GALNT2: variants seen among roughly 807,000 people sequenced by gnomAD.
The protein encoded by GALNT2 is UDP-GalNAc:polypeptide N-acetylgalactosaminyltransferase 2.
GALNT2 carries 31 observed loss-of-function variants against 81.4 expected under a neutral mutation model. That is an observed-to-expected ratio of 0.38 (90% CI 0.29 to 0.51). The LOEUF (loss-of-function observed/expected upper bound fraction) is 0.51. GALNT2 is among the 20% of genes least tolerant of loss of function. GALNT2 has a pLI of 0.87. For missense variants in GALNT2, 629 were observed against 765.7 expected, an observed-to-expected ratio of 0.82 and a Z score of 2.11; for synonymous variants, 303 against 287.4, an observed-to-expected ratio of 1.05 and a Z score of -0.55.
intron 1 of GALNT2, among the ~76,000 whole-genome samples, chr1:230,105,653 G>A (rs1474839): frequency 0.17 from 25,742 of 152,146 alleles, 2,479 homozygotes; most frequent in South Asian, 0.27. Flanking sequence ...TTGCATAAAT[G>A]TCAGCATTCG....
intron 1 of GALNT2, among the ~76,000 whole-genome samples, chr1:230,088,546 T>A (rs928087303): frequency 5.3e-5 from 8 of 151,836 alleles, no homozygotes; most frequent in African/African-American, 1.9e-4. Flanking sequence ...GTTTTTTTTT[T>A]TTTTTCTTTG....
chr1:230,183,319 T>C (rs1038765926), intron 2 of GALNT2, among the ~76,000 whole-genome samples: 2 of 152,222 alleles, frequency 1.3e-5, no homozygotes, highest in Non-Finnish European at 2.9e-5. Flanking sequence ...TTGTTATTGT[T>C]TTTTATTTAT....
intron 1 of GALNT2, among the ~76,000 whole-genome samples, chr1:230,108,954 G>A (rs1381095953): frequency 1.3e-5 from 2 of 152,194 alleles, no homozygotes; most frequent in Admixed American, 1.3e-4. Context: ...GTTAAGTCGA[G>A]CCATGGTAAG....
intron 1 of GALNT2, among the ~76,000 whole-genome samples, chr1:230,082,509 G>A (rs1331254618): frequency 6.6e-6 from 1 of 152,192 alleles, no homozygotes. Context: ...TCTCCAATGT[G>A]CCATTCCTCC....
In GALNT2 at chr1:230,178,199, A is replaced by G. The variant is rs1225561651; in HGVS notation, c.127-19A>G. The G allele has an allele frequency of 1.9e-6, 3 of 1,587,216 alleles. No individual in the cohort carries two copies. Among genetic ancestry groups the G allele is most frequent in the South Asian group, 1.1e-5 (1 of 90,306 alleles). ...GCTTGAAGAACAAGTCAACTCATTC[A>G]GTGTCTTTGTTCCCCTAGGAGGACT... On this transcript the variant is annotated intron_variant, in intron 1 of 15. Transcript: ENST00000366672.
At chr1:230,148,785 CT>C (rs1662002923) in intron 1 of GALNT2, among the ~76,000 whole-genome samples, 1 of 152,048 alleles carries the variant, frequency 6.6e-6, no homozygotes, top group Non-Finnish European at 1.5e-5. Context: ...CAGGGTTTCG[CT>C]CTATTGCCCA....
chr1:230,138,793 CTATTGT>C (rs766144687), intron 1 of GALNT2, among the ~76,000 whole-genome samples: 1 of 152,142 alleles, frequency 6.6e-6, no homozygotes, highest in Non-Finnish European at 1.5e-5. Context: ...CGTCTTTTAG[CTATTGT>C]GTTATAATTA....
At chr1:230,069,183 G>A (rs1017114019) in intron 1 of GALNT2, among the ~76,000 whole-genome samples, 6 of 152,198 alleles carry the variant, frequency 3.9e-5, no homozygotes, top group African/African-American at 1.4e-4. Context: ...ACTCTGGTGG[G>A]CTTCAGTTCC....
intron 1 of GALNT2, among the ~76,000 whole-genome samples, chr1:230,099,430 T>C (rs1660339210): frequency 6.6e-6 from 1 of 152,166 alleles, no homozygotes; most frequent in African/African-American, 2.4e-5. Flanking sequence ...TTCTCAAAAA[T>C]GTGAATACAC....
intron 1 of GALNT2, among the ~76,000 whole-genome samples, chr1:230,138,630 C>A (rs575218560): frequency 6.6e-6 from 1 of 151,814 alleles, no homozygotes; most frequent in South Asian, 2.1e-4. Context: ...ATTTCTTGAT[C>A]ATATGCTAAA....
rs566838300 is a variant in GALNT2, at chr1:230,220,189, C to G, written c.375-15825C>G. ...TACCAAGTGGGATAAATCAGGAGAACAGTCATCAGGTCAGGTTTTACTGCC... is the reference window on the plus strand; with the variant it reads ...TACCAAGTGGGATAAATCAGGAGAAGAGTCATCAGGTCAGGTTTTACTGCC... On this transcript the variant is annotated intron_variant, in intron 3 of 15. Coordinates refer to ENST00000366672, the MANE Select transcript of GALNT2 (RefSeq NM_004481.5). Among the ~76,000 whole-genome samples, 506 of 152,224 alleles carry G rather than the reference C, an allele frequency of 3.3e-3. 2 individuals are homozygous for G. Among genetic ancestry groups the G allele is most frequent in the African/African-American group, 0.012 (487 of 41,522 alleles).
chr1:230,082,735 T>A (rs1049814475), intron 1 of GALNT2, among the ~76,000 whole-genome samples: 5 of 152,224 alleles, frequency 3.3e-5, no homozygotes, highest in Admixed American at 3.3e-4. Context: ...GGAGTGCTAG[T>A]TAGACAGCTG....
At chr1:230,209,064 G>A (rs1323959419) in intron 3 of GALNT2, among the ~76,000 whole-genome samples, 12 of 150,580 alleles carry the variant, frequency 8.0e-5, no homozygotes, top group Non-Finnish European at 1.5e-5. Flanking sequence ...GCATGTTGAA[G>A]TTGTTTTTTT....
chr1:230,067,948 C>T (rs1659250454), intron 1 of GALNT2, among the ~76,000 whole-genome samples: 2 of 152,122 alleles, frequency 1.3e-5, no homozygotes, highest in Non-Finnish European at 2.9e-5. Context: ...GGGGCAGGGG[C>T]GGCCGCTCCC....
intron 1 of GALNT2, among the ~76,000 whole-genome samples, chr1:230,176,666 C>T (rs1239454490): frequency 6.6e-6 from 1 of 152,204 alleles, no homozygotes; most frequent in African/African-American, 2.4e-5. Flanking sequence ...TCACCGTTGC[C>T]TATCTGCCAG....
intron 3 of GALNT2, among the ~76,000 whole-genome samples, chr1:230,208,009 G>C (rs1664119441): frequency 6.6e-6 from 1 of 152,078 alleles, no homozygotes; most frequent in Admixed American, 6.5e-5. Flanking sequence ...ATCAAGTCAG[G>C]GTAATTGGGA....
chr1:230,097,812 C>T (rs899268495), intron 1 of GALNT2, among the ~76,000 whole-genome samples: 1 of 152,122 alleles, frequency 6.6e-6, no homozygotes, highest in African/African-American at 2.4e-5. Context: ...ATTATGGTAA[C>T]ACGCACCAAA....
At chr1:230,216,080 T>A (rs1484653059) in intron 3 of GALNT2, among the ~76,000 whole-genome samples, 1 of 152,170 alleles carries the variant, frequency 6.6e-6, no homozygotes, top group Non-Finnish European at 1.5e-5. Flanking sequence ...AGAAAGAAAT[T>A]AGACCAGGAA....
In GALNT2 at chr1:230,195,920, G is replaced by T. The variant is rs145323055; in HGVS notation, c.221-7217G>T. Among the ~76,000 whole-genome samples the T allele has an allele frequency of 2.7e-3, 413 of 152,278 alleles. 1 individual carries two copies. The highest frequency in any genetic ancestry group is 4.9e-3 in the Non-Finnish European group (333 of 68,010). On this transcript the variant is annotated intron_variant, in intron 2 of 15. Coordinates refer to ENST00000366672, the MANE Select transcript of GALNT2 (RefSeq NM_004481.5). ...GGCTGGGGACAATCCTCAGATAGGG[G>T]CAGGGCCTTCCTGAGCAGGGGGCAG... is the stretch of plus-strand genomic sequence containing the variant.
Sources: allele counts gnomAD v4.1 joint callset (sites outside exome capture counted in the v4.1 genomes callset), GRCh38; gene constraint gnomAD v4.1.1; transcripts MANE v1.5; gene names NCBI Gene and HGNC (gene_info 2026-07-23, HGNC 2026-07-21).